The following RASAL2 variants were observed in gnomAD, a reference collection of about 807,000 sequenced individuals.
RASAL2 encodes ras GTPase-activating protein nGAP.
A neutral mutation model predicts 128.9 loss-of-function variants in RASAL2; 58 were observed. The observed-to-expected ratio is 0.45, with a 90% CI of 0.36 to 0.56. The LOEUF is 0.56. Among genes scored for constraint, RASAL2 ranks in the 20% least tolerant of loss-of-function variants. The pLI is 0.00. For synonymous variants in RASAL2, 561 were observed against 580.8 expected, an observed-to-expected ratio of 0.97 and a Z score of 0.49; for missense variants, 1,360 against 1,601.6, an observed-to-expected ratio of 0.85 and a Z score of 2.57.
chr1:178,358,105 A>G (rs1267799354), intron 3 of RASAL2, among the ~76,000 whole-genome samples: 1 of 151,850 alleles, frequency 6.6e-6, no homozygotes, highest in Admixed American at 6.6e-5. Context: ...GCGTGGTGGC[A>G]TGTGCCTGTA....
intron 3 of RASAL2, among the ~76,000 whole-genome samples, chr1:178,334,013 A>G (rs1050171650): frequency 6.6e-6 from 1 of 152,190 alleles, no homozygotes; most frequent in Admixed American, 6.5e-5. Context: ...TTTGAACTAC[A>G]TTGTGTTTTC....
intron 1 of RASAL2, among the ~76,000 whole-genome samples, chr1:178,282,386 T>C (rs1666826859): frequency 6.6e-6 from 1 of 152,178 alleles, no homozygotes; most frequent in Non-Finnish European, 1.5e-5. Flanking sequence ...GAGAGACATA[T>C]AGCAACTGAC....
At chr1:178,374,328 A>ACTAAAT (rs1299298365) in intron 3 of RASAL2, among the ~76,000 whole-genome samples, 2 of 152,218 alleles carry the variant, frequency 1.3e-5, no homozygotes, top group South Asian at 2.1e-4. Context: ...AAACAAGAAA[A>ACTAAAT]CTAAATCTAC....
chr1:178,255,434 C>T (rs1012099493), intron 1 of RASAL2, among the ~76,000 whole-genome samples: 21 of 151,934 alleles, frequency 1.4e-4, no homozygotes, highest in South Asian at 4.2e-4. Context: ...TTGCTAATTA[C>T]GCACGAAAGA....
chr1:178,436,633 A>G (rs151159989), intron 5 of RASAL2, among the ~76,000 whole-genome samples: 56 of 152,276 alleles, frequency 3.7e-4, no homozygotes, highest in African/African-American at 1.2e-3. Flanking sequence ...TTGTACTTGC[A>G]AGGTGAGATA....
At chr1:178,269,874 T>G (rs1273734596) in intron 1 of RASAL2, among the ~76,000 whole-genome samples, 1 of 152,206 alleles carries the variant, frequency 6.6e-6, no homozygotes, top group Non-Finnish European at 1.5e-5. Flanking sequence ...AATTCTTTAT[T>G]GCGTGAGATC....
intron 4 of RASAL2, among the ~76,000 whole-genome samples, chr1:178,414,568 C>T (rs1031429404): frequency 3.9e-5 from 6 of 151,950 alleles, no homozygotes; most frequent in African/African-American, 1.2e-4. Flanking sequence ...AGGGGAGGAA[C>T]ATTGGAAATC....
intron 1 of RASAL2, among the ~76,000 whole-genome samples, chr1:178,257,717 T>C (rs1489964311): frequency 6.6e-6 from 1 of 151,700 alleles, no homozygotes; most frequent in Admixed American, 6.6e-5. Flanking sequence ...TGGCGTGTGC[T>C]TGTAGTCCCA....
chr1:178,104,604 A>G (rs1265692420), intron 1 of RASAL2, among the ~76,000 whole-genome samples: 1 of 152,162 alleles, frequency 6.6e-6, no homozygotes, highest in Non-Finnish European at 1.5e-5. Context: ...CTGGAAAGTA[A>G]TTCCTGCCTC....
rs77239044 is a variant in RASAL2 at position 178,287,336 on chromosome 1, C to T, written c.330+3645C>T. Among the ~76,000 whole-genome samples, 41 of 151,962 alleles carry T rather than the reference C, an allele frequency of 2.7e-4. No individual in the cohort carries two copies. In the East Asian group the frequency reaches 7.3e-3, roughly 27 times the overall value. On this transcript the variant is annotated intron_variant, in intron 2 of 17. Transcript: ENST00000367649. ...CATTTTCCCACTTCAGTTACTGTCCCACTCTCCTGGACTAGTGCTTCACAT... is the reference window on the plus strand; with the variant it reads ...CATTTTCCCACTTCAGTTACTGTCCTACTCTCCTGGACTAGTGCTTCACAT...
intron 1 of RASAL2, among the ~76,000 whole-genome samples, chr1:178,156,425 C>T (rs1476223997): frequency 6.6e-6 from 1 of 152,090 alleles, no homozygotes; most frequent in Non-Finnish European, 1.5e-5. Flanking sequence ...TTAATGGACT[C>T]CTTATAAACA....
rs114049722 is a variant in RASAL2, at chr1:178,225,998, G to A, written c.203-57566G>A. 3.4e-3 allele frequency among the ~76,000 whole-genome samples: 513 copies of A among 152,188 alleles called. 4 individuals are homozygous for A. Among genetic ancestry groups the A allele is most frequent in the African/African-American group, 0.012 (494 of 41,522 alleles). On this transcript the variant is annotated intron_variant, in intron 1 of 17. Coordinates refer to ENST00000367649, the MANE Select transcript of RASAL2 (RefSeq NM_170692.4). ...CAGGCAAATGTTCTCATTTTGCCCC[G>A]AAATCTTGATACAGTTTTCTCTTTT...
chr1:178,445,805 A>G, intron 9 of RASAL2, 143 bp downstream of exon 9: 1 of 844,882 alleles, frequency 1.2e-6, no homozygotes, highest in Non-Finnish European at 1.8e-6. Flanking sequence ...TCATGGCTGT[A>G]AGAAGTCTGC....
chr1:178,204,857 T>C (rs1360721394), intron 1 of RASAL2, among the ~76,000 whole-genome samples: 7 of 152,196 alleles, frequency 4.6e-5, no homozygotes, highest in Non-Finnish European at 2.9e-5. Flanking sequence ...TGAAATACAA[T>C]GGTATTTCAT....
chr1:178,201,111 G>C (rs1373262855), intron 1 of RASAL2, among the ~76,000 whole-genome samples: 1 of 152,196 alleles, frequency 6.6e-6, no homozygotes, highest in Non-Finnish European at 1.5e-5. Flanking sequence ...ATTTATATAA[G>C]CAGAAATCTG....
chr1:178,207,766 C>G (rs535234997), intron 1 of RASAL2, among the ~76,000 whole-genome samples: 1 of 152,104 alleles, frequency 6.6e-6, no homozygotes, highest in Non-Finnish European at 1.5e-5. Context: ...ATAATATCCT[C>G]TACTTTTTAA....
chr1:178,268,714 C>A (rs528912545), intron 1 of RASAL2, among the ~76,000 whole-genome samples: 1 of 152,232 alleles, frequency 6.6e-6, no homozygotes, highest in Admixed American at 6.5e-5. Flanking sequence ...CTGCCTTAGC[C>A]TCCTGAGTAG....
Position 178,253,827 on chromosome 1 carries a change from A to G in RASAL2, c.203-29737A>G, listed in dbSNP as rs181431239. The stretch of plus-strand genomic sequence containing the variant: ...GAATGTCATCAGTTAAGGCAGGAAC[A>G]GGCCATTTTCACTTCTTTTGTGATT... On this transcript the variant is annotated intron_variant, in intron 1 of 17. Transcript: ENST00000367649. 2.4e-3 allele frequency among the ~76,000 whole-genome samples: 369 copies of G among 152,296 alleles called. 1 individual carries two copies. Among genetic ancestry groups the G allele is most frequent in the African/African-American group, 8.6e-3 (358 of 41,568 alleles).
chr1:178,381,561 A>G (rs192885165), intron 3 of RASAL2, among the ~76,000 whole-genome samples: 113 of 152,100 alleles, frequency 7.4e-4, no homozygotes, highest in Non-Finnish European at 1.1e-3. Context: ...TTAAATTTTC[A>G]TCTTTATATT....
Sources: gnomAD v4.1 joint callset for allele counts (sites outside exome capture counted in the v4.1 genomes callset) on GRCh38, gnomAD v4.1.1 for gene constraint, MANE v1.5 for transcripts, NCBI Gene and HGNC (gene_info 2026-07-23, HGNC 2026-07-21) for gene names.